MYO3B: variants seen among roughly 807,000 people sequenced by gnomAD.
MYO3B encodes myosin IIIB.
A neutral mutation model predicts 174.6 loss-of-function variants in MYO3B; 156 were observed. That is an observed-to-expected ratio of 0.89 (90% CI 0.78 to 1.02). The LOEUF is 1.02. Ranked by LOEUF, MYO3B falls within the 50% of genes least tolerant of loss-of-function variation. The pLI, the probability that MYO3B is intolerant of heterozygous loss-of-function variation, is 0.00. For missense variants in MYO3B, 1,632 were observed against 1,639.4 expected, an observed-to-expected ratio of 1.00 and a Z score of 0.08; for synonymous variants, 563 against 569.1, an observed-to-expected ratio of 0.99 and a Z score of 0.15.
chr2:170,416,828 T>C (rs1431954891), intron 22 of MYO3B, among the ~76,000 whole-genome samples: 1 of 16,480 alleles, frequency 6.1e-5, no homozygotes, highest in Non-Finnish European at 2.1e-4. Flanking sequence ...GTTTTTTTTT[T>C]TTTTTTTTTT....
intron 8 of MYO3B, among the ~76,000 whole-genome samples, chr2:170,368,420 C>T (rs917930621): frequency 3.3e-5 from 5 of 152,196 alleles, no homozygotes; most frequent in Non-Finnish European, 7.4e-5. Context: ...GATTCAATTT[C>T]ACTAGAAATT....
intron 8 of MYO3B, among the ~76,000 whole-genome samples, chr2:170,356,121 C>A (rs936522586): frequency 6.6e-6 from 1 of 151,254 alleles, no homozygotes; most frequent in Non-Finnish European, 1.5e-5. Flanking sequence ...CCACCATGCC[C>A]GGCTGACTTT....
At chr2:170,516,605 T>G (rs915773222) in intron 29 of MYO3B, among the ~76,000 whole-genome samples, 1 of 146,554 alleles carries the variant, frequency 6.8e-6, no homozygotes. Flanking sequence ...ATCGCGCCAC[T>G]GAACTACAGC....
chr2:170,273,548 CAT>C (rs1308410226), intron 7 of MYO3B, among the ~76,000 whole-genome samples: 2 of 152,140 alleles, frequency 1.3e-5, no homozygotes, highest in Non-Finnish European at 2.9e-5. Flanking sequence ...CTGAAGAAGA[CAT>C]AGTCTTTCAT....
intron 8 of MYO3B, among the ~76,000 whole-genome samples, chr2:170,354,133 G>A (rs766121553): frequency 6.6e-6 from 1 of 152,224 alleles, no homozygotes; most frequent in African/African-American, 2.4e-5. Context: ...GGATCCCGCA[G>A]AAAGAATCAG....
intron 30 of MYO3B, among the ~76,000 whole-genome samples, chr2:170,537,882 A>G (rs922762579): frequency 2.0e-5 from 3 of 152,234 alleles, no homozygotes; most frequent in Admixed American, 2.0e-4. Flanking sequence ...TTTAGAGACA[A>G]TGGAAAGCTA....
At chr2:170,273,125 A>G (rs1360182775) in intron 7 of MYO3B, among the ~76,000 whole-genome samples, 2 of 152,142 alleles carry the variant, frequency 1.3e-5, no homozygotes, top group Non-Finnish European at 2.9e-5. Flanking sequence ...GTGGATCTCC[A>G]GGAAGAATCC....
At chr2:170,473,319 A>AT (rs991337352) in intron 25 of MYO3B, among the ~76,000 whole-genome samples, 5 of 148,300 alleles carry the variant, frequency 3.4e-5, no homozygotes, top group East Asian at 2.0e-4. Context: ...ATTTTTTTGT[A>AT]TTTTTTTTAG....
chr2:170,361,291 G>C (rs966417232), intron 8 of MYO3B, among the ~76,000 whole-genome samples: 8 of 152,184 alleles, frequency 5.3e-5, no homozygotes, highest in African/African-American at 1.7e-4. Flanking sequence ...TAGTTGCTGG[G>C]GCTGTGTTTA....
At chr2:170,210,573 A>C (rs949434306) in intron 3 of MYO3B, among the ~76,000 whole-genome samples, 6 of 152,206 alleles carry the variant, frequency 3.9e-5, no homozygotes, top group African/African-American at 1.2e-4. Flanking sequence ...GGTGTGGTTA[A>C]TTCCTTATGT....
In MYO3B at chr2:170,407,939, C is replaced by A. The variant is rs926999232; in HGVS notation, c.2650+95C>A. 3 of 1,433,294 alleles carry A rather than the reference C, an allele frequency of 2.1e-6. No homozygotes were observed. In the South Asian group the frequency reaches 3.7e-5, roughly 17 times the overall value. 88.8% of individuals were successfully genotyped at this position (1,433,294 alleles called of 1,614,324 possible). On this transcript the variant is annotated intron_variant, in intron 22 of 34. Coordinates refer to ENST00000408978, the MANE Select transcript of MYO3B (RefSeq NM_138995.5). Reference sequence around the variant, plus strand: ...TGTCTGAATACTGCCAGGGCTGCACCGCTAACATTGAACTTCTTTAAGCAG... The same window carrying A: ...TGTCTGAATACTGCCAGGGCTGCACAGCTAACATTGAACTTCTTTAAGCAG...
chr2:170,339,688 G>C (rs1333402418), intron 8 of MYO3B, among the ~76,000 whole-genome samples: 1 of 152,202 alleles, frequency 6.6e-6, no homozygotes, highest in East Asian at 1.9e-4. Flanking sequence ...AATACTATTA[G>C]TAAACCTGTT....
intron 9 of MYO3B, 57 bp from the exon 10 acceptor site, chr2:170,381,959 G>T: frequency 7.0e-7 from 1 of 1,437,144 alleles, no homozygotes; most frequent in Non-Finnish European, 9.8e-7. Context: ...CTTGCTGCCC[G>T]CTTTCTGCTA....
intron 25 of MYO3B, among the ~76,000 whole-genome samples, chr2:170,493,727 C>T (rs1168761328): frequency 1.3e-5 from 2 of 152,192 alleles, no homozygotes; most frequent in African/African-American, 4.8e-5. Flanking sequence ...TTCTCTTTCT[C>T]TCCCTCTCTG....
intron 1 of MYO3B, among the ~76,000 whole-genome samples, chr2:170,196,571 A>G (rs2092602610): frequency 1.3e-5 from 2 of 152,172 alleles, no homozygotes; most frequent in African/African-American, 4.8e-5. Flanking sequence ...ATCCTTACTG[A>G]ATGTATAAGT....
At chr2:170,320,011 C>T (rs60456167) in intron 7 of MYO3B, among the ~76,000 whole-genome samples, 10,702 of 152,190 alleles carry the variant, frequency 0.07, 444 homozygotes, top group Middle Eastern at 0.14. Flanking sequence ...ACCCGCCTTA[C>T]AAGAAATACT....
chr2:170,311,754 T>C (rs2093741335), intron 7 of MYO3B, among the ~76,000 whole-genome samples: 1 of 152,162 alleles, frequency 6.6e-6, no homozygotes, highest in African/African-American at 2.4e-5. Context: ...TATATTTAGG[T>C]TGTTGATCCA....
At chr2:170,406,718 G>C (rs2094511517) in intron 21 of MYO3B, among the ~76,000 whole-genome samples, 1 of 151,900 alleles carries the variant, frequency 6.6e-6, no homozygotes, top group South Asian at 2.1e-4. Context: ...TGATTTTAGG[G>C]GAAAAACTTT....
At chr2:170,648,499 T>C (rs898307001) in intron 32 of MYO3B, among the ~76,000 whole-genome samples, 3 of 151,358 alleles carry the variant, frequency 2.0e-5, no homozygotes, top group Non-Finnish European at 4.4e-5. Flanking sequence ...GGTGTAGTGG[T>C]ATCTGCCTGT....
Sources: allele counts gnomAD v4.1 joint callset (sites outside exome capture counted in the v4.1 genomes callset), GRCh38; gene constraint gnomAD v4.1.1; transcripts MANE v1.5; gene names NCBI Gene and HGNC (gene_info 2026-07-23, HGNC 2026-07-21).